Variants in IPO11 observed in about 807,000 individuals in gnomAD.
IPO11 encodes the protein importin 11, also known as importin-11.
In IPO11, 66 loss-of-function variants were observed where a neutral mutation model predicts 143.2. That is an observed-to-expected ratio of 0.46 (90% CI 0.38 to 0.57). The LOEUF is 0.57. Among genes scored for constraint, IPO11 ranks in the 20% least tolerant of loss-of-function variants. IPO11 has a pLI of 0.00. For synonymous variants in IPO11, 385 were observed against 377.8 expected (o/e 1.02, Z -0.22); for missense variants, 1,026 against 1,141.0 (o/e 0.90, Z 1.45).
At chr5:62,606,480 T>TAAAAAA (rs760722973) in intron 29 of IPO11, among the ~76,000 whole-genome samples, 19 of 56,108 alleles carry the variant, frequency 3.4e-4, no homozygotes, top group African/African-American at 1.5e-3. Context: ...GACCCTGTCT[T>TAAAAAA]AAAAAAAAAA....
At chr5:62,575,490 A>G (rs992813350) in intron 27 of IPO11, among the ~76,000 whole-genome samples, 2 of 152,030 alleles carry the variant, frequency 1.3e-5, no homozygotes, top group South Asian at 4.2e-4. Flanking sequence ...TTTTTCTCTT[A>G]TAACATTTTT....
At chr5:62,578,276 A>G (rs1325833097) in intron 27 of IPO11, among the ~76,000 whole-genome samples, 2 of 152,116 alleles carry the variant, frequency 1.3e-5, no homozygotes, top group African/African-American at 4.8e-5. Context: ...AAATATTTTG[A>G]AAATTTTAAA....
At chr5:62,593,063 G>T (rs1004871906) in intron 28 of IPO11, among the ~76,000 whole-genome samples, 2 of 152,202 alleles carry the variant, frequency 1.3e-5, no homozygotes, top group Non-Finnish European at 2.9e-5. Flanking sequence ...TAGTTGAGGG[G>T]AGGACATGGC....
chr5:62,572,731 G>A (rs891807878), intron 27 of IPO11, among the ~76,000 whole-genome samples: 5 of 151,766 alleles, frequency 3.3e-5, no homozygotes, highest in Non-Finnish European at 5.9e-5. Context: ...ACAGGATTGC[G>A]CTACCACACC....
intron 2 of IPO11, 93 bp downstream of exon 2, chr5:62,437,510 A>G (rs897163277): frequency 1.8e-6 from 2 of 1,084,338 alleles, no homozygotes; most frequent in Admixed American, 5.6e-5. Flanking sequence ...TAGTTTAGTG[A>G]AATAGATTCA....
intron 26 of IPO11, among the ~76,000 whole-genome samples, chr5:62,560,402 T>C (rs1370519157): frequency 1.3e-5 from 2 of 152,254 alleles, no homozygotes; most frequent in African/African-American, 4.8e-5. Flanking sequence ...CTGGGCATAC[T>C]GTTTTTGCTC....
At chr5:62,618,164 A>T (rs1425236689) in intron 29 of IPO11, among the ~76,000 whole-genome samples, 2 of 152,190 alleles carry the variant, frequency 1.3e-5, no homozygotes, top group Admixed American at 6.5e-5. Flanking sequence ...ATCTGACCAC[A>T]TTAAAGTAAA....
chr5:62,479,053 A>G (rs75729090), intron 9 of IPO11, among the ~76,000 whole-genome samples: 1 of 152,152 alleles, frequency 6.6e-6, no homozygotes, highest in African/African-American at 2.4e-5. Flanking sequence ...TGTTATTTGC[A>G]TTAGGTATTT....
intron 24 of IPO11, among the ~76,000 whole-genome samples, chr5:62,546,535 C>T (rs1483778141): frequency 3.3e-5 from 5 of 151,922 alleles, no homozygotes; most frequent in Non-Finnish European, 7.4e-5. Context: ...CAACATGGCA[C>T]ATGTATACAT....
intron 2 of IPO11, among the ~76,000 whole-genome samples, chr5:62,438,892 T>C (rs1339255252): frequency 6.6e-6 from 1 of 151,936 alleles, no homozygotes; most frequent in Non-Finnish European, 1.5e-5. Context: ...ATCCCGTCTC[T>C]ACTAAAAATA....
chr5:62,484,626 C>T lies in IPO11; in HGVS notation c.1174+464C>T, dbSNP rs903413767. ...TACTAGATAGATAAGTAGAATAAGT[C>T]TGTTGGGACCCTTGCTATAGAAAAT... On this transcript the variant is annotated intron_variant, in intron 11 of 29. Coordinates refer to ENST00000325324, the MANE Select transcript of IPO11 (RefSeq NM_016338.5). Among the ~76,000 whole-genome samples the T allele has an allele frequency of 1.3e-4, 19 of 144,114 alleles. No homozygotes were observed. In the Middle Eastern group the frequency reaches 0.012, roughly 92 times the overall value. The allele number at this position is 144,114 out of a possible 152,430, so 94.5% of individuals were successfully genotyped here. A position where few individuals can be genotyped will look rare whatever the true frequency, so the allele number is the denominator to read the frequency against.
At chr5:62,476,662 T>C (rs1018387747) in intron 8 of IPO11, 21 bp from the exon 9 acceptor site, 8 of 1,506,048 alleles carry the variant, frequency 5.3e-6, no homozygotes, top group Non-Finnish European at 7.1e-6. Flanking sequence ...ACTTCTAATA[T>C]TTGAAATGTA....
At chr5:62,419,117 G>A in intron 1 of IPO11, 1 of 1,549,680 alleles carries the variant, frequency 6.5e-7, no homozygotes, top group Non-Finnish European at 8.7e-7. Flanking sequence ...GTAAGCAGTT[G>A]TCACAAAATG....
intron 29 of IPO11, among the ~76,000 whole-genome samples, chr5:62,623,428 G>A (rs955215297): frequency 1.3e-5 from 2 of 152,112 alleles, no homozygotes; most frequent in Admixed American, 1.3e-4. Context: ...AAATTCAATA[G>A]GAAATTGTTA....
At chr5:62,592,499 A>T (rs941294391) in intron 28 of IPO11, among the ~76,000 whole-genome samples, 1 of 152,158 alleles carries the variant, frequency 6.6e-6, no homozygotes, top group African/African-American at 2.4e-5. Context: ...GAGACTACAA[A>T]CCAAAAACAA....
chr5:62,493,096 A>G (rs2112241189), intron 15 of IPO11, among the ~76,000 whole-genome samples: 1 of 152,322 alleles, frequency 6.6e-6, no homozygotes, highest in South Asian at 2.1e-4. Flanking sequence ...AGAAATGTAT[A>G]TATGTGCTAC....
At chr5:62,415,464 CTTTTTTT>C (rs67290766) in intron 1 of IPO11, among the ~76,000 whole-genome samples, 1 of 101,280 alleles carries the variant, frequency 9.9e-6, no homozygotes, top group Non-Finnish European at 1.9e-5. Flanking sequence ...CCCGTCTTTA[CTTTTTTT>C]TTTTTTTTTT....
At chr5:62,508,767 C>T (rs1244174602) in intron 19 of IPO11, among the ~76,000 whole-genome samples, 3 of 152,100 alleles carry the variant, frequency 2.0e-5, no homozygotes, top group Non-Finnish European at 4.4e-5. Context: ...ACCACTCGCC[C>T]CCAACAGGCC....
chr5:62,515,005 A>G (rs1237790130), intron 19 of IPO11, among the ~76,000 whole-genome samples: 2 of 152,300 alleles, frequency 1.3e-5, no homozygotes, highest in East Asian at 3.9e-4. Flanking sequence ...CTTGGAAGAT[A>G]TTTGTAGAAT....
Sources: allele counts gnomAD v4.1 joint callset (sites outside exome capture counted in the v4.1 genomes callset), GRCh38; gene constraint gnomAD v4.1.1; transcripts MANE v1.5; gene names NCBI Gene and HGNC (gene_info 2026-07-23, HGNC 2026-07-21).